The following NRXN3 variants were observed in gnomAD, a reference collection of about 807,000 sequenced individuals.
NRXN3 encodes the protein neurexin 3, also known as neurexin III.
Under a neutral mutation model 137.6 loss-of-function variants are expected in NRXN3, and 32 were observed. The observed-to-expected ratio is 0.23, with a 90% CI of 0.18 to 0.31. The LOEUF is 0.31. Ranked by LOEUF, NRXN3 falls within the 10% of genes least tolerant of loss-of-function variation. The probability of loss-of-function intolerance (pLI) is 1.00; values close to 1 mark genes in which losing one functional copy is unlikely to be tolerated. For missense variants in NRXN3, 1,574 were observed against 2,062.5 expected (o/e 0.76, Z 4.59); for synonymous variants, 798 against 784.5 (o/e 1.02, Z -0.29).
chr14:78,621,767 A>G (rs1043979354), intron 4 of NRXN3, among the ~76,000 whole-genome samples: 1 of 152,180 alleles, frequency 6.6e-6, no homozygotes, highest in Non-Finnish European at 1.5e-5. Flanking sequence ...GCTCACTTGC[A>G]TCTGCGGTTT....
intron 8 of NRXN3, among the ~76,000 whole-genome samples, chr14:78,801,163 T>G (rs2098837574): frequency 6.6e-6 from 1 of 151,942 alleles, no homozygotes; most frequent in Admixed American, 6.6e-5. Flanking sequence ...CTACTAAAAA[T>G]ACAAAAAATT....
At chr14:79,704,279 C>T (rs957574545) in intron 19 of NRXN3, among the ~76,000 whole-genome samples, 2 of 152,060 alleles carry the variant, frequency 1.3e-5, no homozygotes, top group African/African-American at 4.8e-5. Flanking sequence ...ACTTCGAGGC[C>T]CAGACTAGAA....
At chr14:78,551,605 T>C (rs1300494072) in intron 4 of NRXN3, among the ~76,000 whole-genome samples, 6 of 151,108 alleles carry the variant, frequency 4.0e-5, no homozygotes, top group South Asian at 4.3e-4. Context: ...CCTTCCTTTA[T>C]TTCTTCTCTC....
At chr14:79,698,742 G>A (rs1384562068) in intron 19 of NRXN3, among the ~76,000 whole-genome samples, 1 of 151,936 alleles carries the variant, frequency 6.6e-6, no homozygotes, top group Non-Finnish European at 1.5e-5. Flanking sequence ...AATTGCTGCT[G>A]CGACAACAAT....
In NRXN3 at chr14:78,650,728, C is replaced by T. The variant is rs76614846; in HGVS notation, c.1060-437C>T. 8.2e-3 allele frequency among the ~76,000 whole-genome samples: 1,253 copies of T among 152,102 alleles called. 90 individuals carry two copies. In the East Asian group the frequency reaches 0.18, roughly 22 times the overall value. ...AAAAAAGGAAAAATAAAACCATCAA[C>T]AACCAAAGACCAACCCCTAACAAAT... On this transcript the variant is annotated intron_variant, in intron 5 of 20. Transcript: ENST00000335750.
At chr14:78,523,967 G>A (rs1486750450) in intron 4 of NRXN3, among the ~76,000 whole-genome samples, 2 of 151,952 alleles carry the variant, frequency 1.3e-5, no homozygotes, top group Non-Finnish European at 2.9e-5. Context: ...ATTTCAGTGC[G>A]TCCTTTCACT....
intron 18 of NRXN3, among the ~76,000 whole-genome samples, chr14:79,693,436 A>C (rs1181314322): frequency 6.6e-6 from 1 of 151,876 alleles, no homozygotes; most frequent in African/African-American, 2.4e-5. Flanking sequence ...AATAAGAATA[A>C]CTCTAAAAAG....
At chr14:79,708,341 T>C (rs1307978426) in intron 19 of NRXN3, among the ~76,000 whole-genome samples, 1 of 152,138 alleles carries the variant, frequency 6.6e-6, no homozygotes, top group Non-Finnish European at 1.5e-5. Context: ...TATGCCATTT[T>C]ATATTGAGGA....
chr14:79,680,100 G>A (rs904207920), intron 17 of NRXN3, among the ~76,000 whole-genome samples: 3 of 152,056 alleles, frequency 2.0e-5, no homozygotes, highest in Non-Finnish European at 4.4e-5. Context: ...AACATCCTAA[G>A]GAAATGATTT....
chr14:78,348,056 C>T (rs1306156227), intron 4 of NRXN3, among the ~76,000 whole-genome samples: 2 of 152,170 alleles, frequency 1.3e-5, no homozygotes, highest in Non-Finnish European at 2.9e-5. Flanking sequence ...GAGAGATTAA[C>T]TGAATCACTC....
At chr14:79,651,223 C>T (rs1446719681) in intron 16 of NRXN3, among the ~76,000 whole-genome samples, 3 of 152,218 alleles carry the variant, frequency 2.0e-5, no homozygotes, top group South Asian at 4.2e-4. Flanking sequence ...CAGAGGCCTG[C>T]TGGCAATTTT....
At chr14:78,586,961 A>C (rs906490206) in intron 4 of NRXN3, among the ~76,000 whole-genome samples, 2 of 152,210 alleles carry the variant, frequency 1.3e-5, no homozygotes, top group Non-Finnish European at 2.9e-5. Flanking sequence ...ATGCTGGAGA[A>C]GGATCTTGAT....
intron 15 of NRXN3, among the ~76,000 whole-genome samples, chr14:78,990,822 A>G (rs2099517324): frequency 1.3e-5 from 2 of 152,236 alleles, no homozygotes; most frequent in South Asian, 4.1e-4. Flanking sequence ...TTGGTATTCA[A>G]GTTATCTGGA....
At chr14:79,386,187 C>T (rs1294278150) in intron 15 of NRXN3, among the ~76,000 whole-genome samples, 9 of 152,114 alleles carry the variant, frequency 5.9e-5, no homozygotes, top group Non-Finnish European at 8.8e-5. Flanking sequence ...GATGACATGA[C>T]TGTATATCTA....
At chr14:78,624,517 G>A (rs1009410101) in intron 4 of NRXN3, among the ~76,000 whole-genome samples, 3 of 152,194 alleles carry the variant, frequency 2.0e-5, no homozygotes, top group Non-Finnish European at 4.4e-5. Flanking sequence ...ACAGGGGCGG[G>A]GCCAGGTGCT....
intron 15 of NRXN3, chr14:79,247,412 T>G (rs2075338216): frequency 6.6e-6 from 1 of 152,142 alleles, no homozygotes; most frequent in Non-Finnish European, 1.5e-5. Flanking sequence ...CAGGCAGTAA[T>G]AGAACAATCT....
chr14:78,779,663 C>A (rs960979770), intron 8 of NRXN3, among the ~76,000 whole-genome samples: 3 of 152,004 alleles, frequency 2.0e-5, no homozygotes, highest in Admixed American at 6.6e-5. Context: ...TATCCTCTCC[C>A]TACAATTATA....
intron 6 of NRXN3, among the ~76,000 whole-genome samples, chr14:78,675,668 A>G (rs772570088): frequency 7.2e-5 from 11 of 152,210 alleles, no homozygotes; most frequent in East Asian, 1.9e-4. Context: ...GTGTTGGGAA[A>G]GATTCTAGTG....
chr14:78,866,390 A>G (rs1246727008), intron 10 of NRXN3, among the ~76,000 whole-genome samples: 2 of 152,166 alleles, frequency 1.3e-5, no homozygotes, highest in Non-Finnish European at 2.9e-5. Flanking sequence ...TGGAATATGT[A>G]TTATTATCCT....
Sources: allele counts gnomAD v4.1 joint callset (sites outside exome capture counted in the v4.1 genomes callset), GRCh38; gene constraint gnomAD v4.1.1; transcripts MANE v1.5; gene names NCBI Gene and HGNC (gene_info 2026-07-23, HGNC 2026-07-21).